Variants in SORCS3 observed in about 807,000 individuals in gnomAD.
SORCS3 encodes the protein VPS10 domain-containing receptor SorCS3.
A neutral mutation model predicts 146.3 loss-of-function variants in SORCS3; 57 were observed. The ratio of observed to expected loss-of-function variants is 0.39; its 90% CI spans 0.31 to 0.49. SORCS3 has a LOEUF of 0.49. Among genes scored for constraint, SORCS3 ranks in the 20% least tolerant of loss-of-function variants. The pLI is 0.92. For missense variants in SORCS3, 1,341 were observed against 1,575.5 expected (o/e 0.85, Z 2.52); for synonymous variants, 653 against 618.5 (o/e 1.06, Z -0.83).
chr10:105,009,527 C>CAAAAAAAAAAAAAAAAAAAAAAAAA (rs35368294), intron 4 of SORCS3, among the ~76,000 whole-genome samples: 1 of 105,152 alleles, frequency 9.5e-6, no homozygotes, highest in Admixed American at 1.1e-4. Flanking sequence ...AACAAACAAA[C>CAAAAAAAAAAAAAAAAAAAAAAAAA]AAAAAAAAAA....
At chr10:104,717,817 C>A (rs917573286) in intron 1 of SORCS3, among the ~76,000 whole-genome samples, 1 of 152,094 alleles carries the variant, frequency 6.6e-6, no homozygotes, top group African/African-American at 2.4e-5. Context: ...CAGTATACCA[C>A]AGACTGAGTA....
At chr10:105,191,201 T>C (rs2056515058) in intron 14 of SORCS3, among the ~76,000 whole-genome samples, 1 of 152,324 alleles carries the variant, frequency 6.6e-6, no homozygotes, top group East Asian at 1.9e-4. Flanking sequence ...TATGTACATA[T>C]GCTATGATTT....
intron 4 of SORCS3, among the ~76,000 whole-genome samples, chr10:104,995,339 T>C (rs1180091249): frequency 6.6e-6 from 1 of 152,070 alleles, no homozygotes; most frequent in Admixed American, 6.6e-5. Flanking sequence ...TTTGTATTTT[T>C]AATAGAGACA....
chr10:104,784,201 C>A (rs2017406369), intron 1 of SORCS3, among the ~76,000 whole-genome samples: 1 of 152,206 alleles, frequency 6.6e-6, no homozygotes, highest in Admixed American at 6.5e-5. Flanking sequence ...CAGTGGTTCT[C>A]ACCTCGGGTG....
At chr10:104,798,768 C>T (rs1589503348) in intron 1 of SORCS3, among the ~76,000 whole-genome samples, 1 of 152,196 alleles carries the variant, frequency 6.6e-6, no homozygotes, top group East Asian at 1.9e-4. Context: ...AGGCAACCTA[C>T]AGAATGGGAG....
At chr10:104,978,692 A>G (rs780894987) in intron 4 of SORCS3, among the ~76,000 whole-genome samples, 4 of 152,112 alleles carry the variant, frequency 2.6e-5, no homozygotes, top group Admixed American at 6.5e-5. Context: ...TCTTTCTGTT[A>G]CCACCACTAC....
chr10:105,195,891 C>T (rs376387478), intron 14 of SORCS3, among the ~76,000 whole-genome samples: 35 of 152,268 alleles, frequency 2.3e-4, no homozygotes, highest in African/African-American at 6.5e-4. Flanking sequence ...AGTGACCTCC[C>T]GGGAGAGGAA....
intron 1 of SORCS3, among the ~76,000 whole-genome samples, chr10:104,705,327 C>T (rs1315796594): frequency 2.7e-5 from 4 of 149,106 alleles, no homozygotes; most frequent in East Asian, 2.0e-4. Context: ...TTCCAGTGCC[C>T]GATTTTTTTT....
At chr10:104,944,584 T>A (rs1340363671) in intron 3 of SORCS3, among the ~76,000 whole-genome samples, 1 of 152,214 alleles carries the variant, frequency 6.6e-6, no homozygotes, top group African/African-American at 2.4e-5. Flanking sequence ...GGTATCTTAA[T>A]GAGCAATAAA....
At chr10:105,073,717 A>G (rs1462656485) in intron 5 of SORCS3, among the ~76,000 whole-genome samples, 1 of 152,074 alleles carries the variant, frequency 6.6e-6, no homozygotes, top group East Asian at 1.9e-4. Flanking sequence ...CAGAGGGAAG[A>G]GTTCTGCCAG....
chr10:105,181,699 C>T (rs1173047350), intron 14 of SORCS3, among the ~76,000 whole-genome samples: 1 of 152,148 alleles, frequency 6.6e-6, no homozygotes, highest in Non-Finnish European at 1.5e-5. Context: ...TAATGGGAAC[C>T]ATCTAGTCTA....
chr10:104,945,137 A>G (rs1646983927), intron 3 of SORCS3, among the ~76,000 whole-genome samples: 2 of 152,374 alleles, frequency 1.3e-5, no homozygotes, highest in African/African-American at 2.4e-5. Context: ...TTTATATAAC[A>G]TTTAAAAATA....
intron 3 of SORCS3, among the ~76,000 whole-genome samples, chr10:104,972,520 A>G (rs2054866647): frequency 6.6e-6 from 1 of 152,118 alleles, no homozygotes; most frequent in African/African-American, 2.4e-5. Flanking sequence ...AAAACAAACA[A>G]TGGGATCATG....
At chr10:105,031,069 C>T (rs905742932) in intron 4 of SORCS3, among the ~76,000 whole-genome samples, 15 of 151,104 alleles carry the variant, frequency 9.9e-5, no homozygotes, top group Admixed American at 2.6e-4. Context: ...CCGAGGTGGG[C>T]GGATCACCTG....
At chr10:104,768,208 T>A (rs963456155) in intron 1 of SORCS3, among the ~76,000 whole-genome samples, 4 of 152,198 alleles carry the variant, frequency 2.6e-5, no homozygotes, top group African/African-American at 7.2e-5. Context: ...TCTAACTCCA[T>A]AGGGAAGGCA....
At chr10:105,016,155 A>ATATATATATATATTT (rs71482443) in intron 4 of SORCS3, among the ~76,000 whole-genome samples, 19 of 101,316 alleles carry the variant, frequency 1.9e-4, no homozygotes, top group African/African-American at 9.2e-4. Context: ...ATATATATAT[A>ATATATATATATATTT]TTTTTTTTTT....
At chr10:105,216,200 A>G (rs1264794575) in intron 18 of SORCS3, among the ~76,000 whole-genome samples, 1 of 152,214 alleles carries the variant, frequency 6.6e-6, no homozygotes, top group Admixed American at 6.5e-5. Flanking sequence ...AGGGAAGTCC[A>G]AGGATAAGAG....
chr10:105,004,379 A>G (rs1031160591), intron 4 of SORCS3, among the ~76,000 whole-genome samples: 1 of 152,196 alleles, frequency 6.6e-6, no homozygotes, highest in Non-Finnish European at 1.5e-5. Context: ...AGGAACTAGC[A>G]GCAGTAGGAG....
intron 1 of SORCS3, among the ~76,000 whole-genome samples, chr10:104,716,957 G>T (rs1032371208): frequency 6.6e-6 from 1 of 152,154 alleles, no homozygotes. Flanking sequence ...TTTTCTAATT[G>T]TCTTCTCCAC....
Sources: allele counts gnomAD v4.1 joint callset (sites outside exome capture counted in the v4.1 genomes callset), GRCh38; gene constraint gnomAD v4.1.1; transcripts MANE v1.5; gene names NCBI Gene and HGNC (gene_info 2026-07-23, HGNC 2026-07-21).